Variants in HOOK1 observed in about 807,000 individuals in gnomAD.
HOOK1 encodes the protein protein Hook homolog 1.
A neutral mutation model predicts 112.8 loss-of-function variants in HOOK1; 60 were observed. The ratio of observed to expected loss-of-function variants is 0.53; its 90% confidence interval spans 0.43 to 0.66. HOOK1 has a LOEUF of 0.66. Among genes scored for constraint, HOOK1 ranks in the 30% least tolerant of loss-of-function variants. The probability of loss-of-function intolerance (pLI) is 0.00; values close to 1 mark genes in which losing one functional copy is unlikely to be tolerated. For missense variants in HOOK1, 770 were observed against 856.0 expected, an observed-to-expected ratio of 0.90 and a Z score of 1.25; for synonymous variants, 294 against 283.8, an observed-to-expected ratio of 1.04 and a Z score of -0.36.
intron 16 of HOOK1, chr1:59,863,902 A>C (rs4540684): frequency 0.071 from 56,137 of 788,356 alleles, 1,983 homozygotes; most frequent in African/African-American, 0.11. Flanking sequence ...ATATTATTTT[A>C]AGCCATACTA....
chr1:59,860,497 AAAG>A (rs2098412999), intron 15 of HOOK1, among the ~76,000 whole-genome samples, 169 bp downstream of exon 15: 4 of 152,222 alleles, frequency 2.6e-5, no homozygotes, highest in Admixed American at 6.5e-5. Context: ...TCTCTCTGTG[AAAG>A]AAGTCAGGTG....
At position 59,855,957 on chromosome 1, in the gene HOOK1, T is replaced by TAAAAAAAAAA. The variant is rs1418665294; in HGVS notation, c.1243-2470_1243-2469insAAAAAAAAAA. On this transcript the variant is annotated intron_variant, in intron 12 of 21. Transcript: ENST00000371208. ...CCCAGCTAATTTATATATATATATA[T>TAAAAAAAAAA]ATAAATTATTATATATATATATATA... Among the ~76,000 whole-genome samples, 515 of 104,366 alleles carry TAAAAAAAAAA rather than the reference T, an allele frequency of 4.9e-3. 8 individuals are homozygous for TAAAAAAAAAA. The highest frequency in any genetic ancestry group is 0.013 in the African/African-American group (307 of 23,226). The allele number at this position is 104,366 out of a possible 152,430, so 68.5% of individuals were successfully genotyped here. A position where few individuals can be genotyped will look rare whatever the true frequency, so the allele number is the denominator to read the frequency against.
intron 2 of HOOK1, among the ~76,000 whole-genome samples, chr1:59,824,751 A>G (rs1419152817): frequency 6.6e-6 from 1 of 152,194 alleles, no homozygotes; most frequent in Non-Finnish European, 1.5e-5. Context: ...CTAGGGTTCT[A>G]CAGTTTCTTA....
chr1:59,873,673 C>T lies in HOOK1; in HGVS notation c.*708C>T, dbSNP rs2102082413. On this transcript the variant is annotated 3_prime_UTR_variant, in exon 22 of 22. Transcript: ENST00000371208. ...TGGACATCATGTTTAAAATGTTAAG[C>T]ATAAGAAATAAACTGACATTTGTAA... 1 of 135,830 alleles carries T rather than the reference C, an allele frequency of 7.4e-6. No individual in the cohort carries two copies. Among genetic ancestry groups the T allele is most frequent in the Non-Finnish European group, 1.5e-5 (1 of 64,830 alleles). 8.4% of individuals were successfully genotyped at this position (135,830 alleles called of 1,614,324 possible). A position where few individuals can be genotyped will look rare whatever the true frequency, so the allele number is the denominator to read the frequency against.
chr1:59,859,007 T>C lies in HOOK1; in HGVS notation c.1353T>C (p.Tyr451=). The C allele has an allele frequency of 1.9e-6, 3 of 1,576,188 alleles. No homozygotes were observed. The highest frequency in any genetic ancestry group is 2.6e-6 in the Non-Finnish European group (3 of 1,149,532). ...TAGATGCATCTGCTACAAAAAGTTA[T>C]GAGAATCTTGCTGCTGAGATTATGC... ...NQTDASATKS[Y]ENLAAEIMPV... is the part of the protein sequence containing the mutation. The change falls in exon 14 of 22, where the codon TAT becomes TAC. Residue 451 remains tyrosine, a synonymous_variant. Transcript: ENST00000371208.
rs1215220970 is a variant in HOOK1, at chr1:59,862,676, G to T, written c.1533-108G>T. The T allele has an allele frequency of 1.5e-5, 10 of 652,464 alleles. No individual in the cohort carries two copies. In the Admixed American group the frequency reaches 1.6e-4, roughly 10 times the overall value. 40.4% of individuals were successfully genotyped at this position (652,464 alleles called of 1,614,324 possible). ...AGATAATTATTCCGCATTTGTCATT[G>T]CTATAAAAATATTTTTTACTTAAAT... On this transcript the variant is annotated intron_variant, in intron 15 of 21. Coordinates refer to ENST00000371208, the MANE Select transcript of HOOK1 (RefSeq NM_015888.6).
Position 59,815,039 on chromosome 1 carries a change from G to T in HOOK1, c.-79G>T. 7.0e-7 allele frequency: 1 copy of T among 1,424,718 alleles called. No homozygotes were observed. The highest frequency in any genetic ancestry group is 9.5e-7 in the Non-Finnish European group (1 of 1,048,140). The allele number at this position is 1,424,718 out of a possible 1,614,324, so 88.3% of individuals were successfully genotyped here. On this transcript the variant is annotated 5_prime_UTR_variant, in exon 1 of 22. Coordinates refer to ENST00000371208, the MANE Select transcript of HOOK1 (RefSeq NM_015888.6). ...GAGCTTTCCTGGGGGCTAGCAGGTCGTGGACGCCGGCTCCTGGAGGAGAGC... is the reference window on the plus strand; with the variant it reads ...GAGCTTTCCTGGGGGCTAGCAGGTCTTGGACGCCGGCTCCTGGAGGAGAGC...
At chr1:59,845,883 T>C (rs945378109) in intron 9 of HOOK1, among the ~76,000 whole-genome samples, 1 of 151,954 alleles carries the variant, frequency 6.6e-6, no homozygotes, top group South Asian at 2.1e-4. Context: ...ATAGAATAAC[T>C]GAGGCATATT....
intron 12 of HOOK1, among the ~76,000 whole-genome samples, chr1:59,855,046 G>T (rs1381282687): frequency 2.6e-5 from 4 of 152,174 alleles, no homozygotes; most frequent in African/African-American, 9.6e-5. Flanking sequence ...CTAATGGGTG[G>T]ATATACTAGA....
At chr1:59,823,325 AC>A (rs2098387307) in intron 2 of HOOK1, among the ~76,000 whole-genome samples, 1 of 152,256 alleles carries the variant, frequency 6.6e-6, no homozygotes, top group Non-Finnish European at 1.5e-5. Flanking sequence ...GTCTCAAAAA[AC>A]AAAAAACAAA....
chr1:59,849,165 TTTAC>T lies in HOOK1; in HGVS notation c.1228_1231del (p.Leu410ArgfsTer6). On this transcript the variant is annotated frameshift_variant, in exon 12 of 22. Coordinates refer to ENST00000371208, the MANE Select transcript of HOOK1 (RefSeq NM_015888.6). LOFTEE classifies it high-confidence loss of function. ...AGCGGCTTGAAGAAAAACATGAAGC[TTTAC>T]TTAAGGAAAAAGAGGTAAACATAGA... The T allele has an allele frequency of 1.2e-6, 2 of 1,605,654 alleles. No homozygotes were observed. The highest frequency in any genetic ancestry group is 4.5e-5 in the East Asian group (2 of 44,650).
chr1:59,868,557 G>C (rs866970587), intron 20 of HOOK1, among the ~76,000 whole-genome samples: 1 of 152,182 alleles, frequency 6.6e-6, no homozygotes, highest in East Asian at 1.9e-4. Flanking sequence ...TATATGCAGC[G>C]TTGTAGTTGT....
rs979569383 is a variant in HOOK1 at position 59,835,204 on chromosome 1, A to G, written c.407-141A>G. 6.4e-6 allele frequency: 4 copies of G among 627,112 alleles called. No homozygotes were observed. The African/African-American group carries it at 7.7e-5, about 12-fold the overall frequency. The allele number at this position is 627,112 out of a possible 1,614,324, so 38.8% of individuals were successfully genotyped here. On this transcript the variant is annotated intron_variant, in intron 5 of 21. Coordinates refer to ENST00000371208, the MANE Select transcript of HOOK1 (RefSeq NM_015888.6). The stretch of plus-strand genomic sequence containing the variant: ...CTCAGTTTATCTTGGTGAGGAAGGA[A>G]GACATACTGGTGGACAAATAATGTA...
intron 11 of HOOK1, 95 bp downstream of exon 11, chr1:59,848,611 C>T (rs563697451): frequency 9.9e-6 from 8 of 804,344 alleles, no homozygotes; most frequent in African/African-American, 3.5e-5. Context: ...AATTGAGAAG[C>T]GTTGCATGTA....
At chr1:59,847,272 A>G in intron 10 of HOOK1, 87 bp downstream of exon 10, 4 of 1,145,486 alleles carry the variant, frequency 3.5e-6, no homozygotes, top group South Asian at 1.4e-5. Flanking sequence ...AGGGATTCAT[A>G]GGATTATTCC....
intron 20 of HOOK1, 45 bp from the exon 21 acceptor site, chr1:59,870,997 G>T (rs757972215): frequency 8.5e-7 from 1 of 1,183,374 alleles, no homozygotes; most frequent in Non-Finnish European, 1.3e-6. Flanking sequence ...TTAGTAATTT[G>T]GGGTAATTTC....
intron 2 of HOOK1, among the ~76,000 whole-genome samples, chr1:59,825,324 T>A (rs763897246): frequency 6.6e-5 from 10 of 152,234 alleles, no homozygotes; most frequent in Non-Finnish European, 2.9e-5. Flanking sequence ...CTTCTTCACT[T>A]TAAGCACCAG....
intron 8 of HOOK1, among the ~76,000 whole-genome samples, chr1:59,840,596 CTT>C (rs2098400549): frequency 6.6e-6 from 1 of 151,914 alleles, no homozygotes; most frequent in Non-Finnish European, 1.5e-5. Context: ...GCTGGCTTAA[CTT>C]TCTTTGAGAA....
At chr1:59,838,059 G>C (rs1256301955) in intron 7 of HOOK1, among the ~76,000 whole-genome samples, 1 of 152,270 alleles carries the variant, frequency 6.6e-6, no homozygotes, top group South Asian at 2.1e-4. Context: ...ATTCCATGGT[G>C]TATATGTGCC....
Sources: gnomAD v4.1 joint callset for allele counts (sites outside exome capture counted in the v4.1 genomes callset) on GRCh38, gnomAD v4.1.1 for gene constraint, MANE v1.5 for transcripts, NCBI Gene and HGNC (gene_info 2026-07-23, HGNC 2026-07-21) for gene names.